Variants in MYEF2 observed in about 807,000 individuals in gnomAD.
The protein encoded by MYEF2 is myelin expression factor 2, also known as myelin gene expression factor 2.
Under a neutral mutation model 75.2 loss-of-function variants are expected in MYEF2, and 37 were observed. That is an observed-to-expected ratio of 0.49 (90% CI 0.38 to 0.65). MYEF2 has a LOEUF of 0.65. MYEF2 is among the 30% of genes least tolerant of loss of function. The probability of loss-of-function intolerance (pLI) is 0.00; values close to 1 mark genes in which losing one functional copy is unlikely to be tolerated. For missense variants in MYEF2, 634 were observed against 771.4 expected (o/e 0.82, Z 2.11); for synonymous variants, 195 against 241.6 (o/e 0.81, Z 1.79).
chr15:48,159,377 T>G (rs1007566137), intron 6 of MYEF2, among the ~76,000 whole-genome samples: 1 of 152,124 alleles, frequency 6.6e-6, no homozygotes, highest in East Asian at 1.9e-4. Flanking sequence ...GTGTATAAAC[T>G]GCACAGTTCC....
At chr15:48,170,609 A>G (rs1214239535) in intron 1 of MYEF2, among the ~76,000 whole-genome samples, 2 of 152,184 alleles carry the variant, frequency 1.3e-5, no homozygotes, top group East Asian at 3.8e-4. Context: ...TTCATGAGCC[A>G]GGCTCTAAAT....
At position 48,142,068 on chromosome 15, in the gene MYEF2, A is replaced by G. The variant is rs375548629; in HGVS notation, c.*840T>C. ...GCTATGTCTAACATCGTGGGATCCA[A>G]TGTGTTTGATATGTTGTGCCTTGGT... On this transcript the variant is annotated 3_prime_UTR_variant, in exon 17 of 17. Coordinates refer to ENST00000324324, the MANE Select transcript of MYEF2 (RefSeq NM_016132.5). The G allele has an allele frequency of 2.5e-6, 4 of 1,613,600 alleles. No homozygotes were observed. In the African/African-American group the frequency reaches 4.0e-5, roughly 16 times the overall value.
In MYEF2 at chr15:48,152,073, A is replaced by G. The variant is rs1270113170; in HGVS notation, c.1139-131T>C. 3 of 1,144,418 alleles carry G rather than the reference A, an allele frequency of 2.6e-6. No individual in the cohort carries two copies. The African/African-American group carries it at 4.6e-5, about 18-fold the overall frequency. 70.9% of individuals were successfully genotyped at this position (1,144,418 alleles called of 1,614,324 possible). ...TTGTGCAGCTACTTCTTAACACATC[A>G]CCTTCCTTTAAGTATGTACCAGGCT... On this transcript the variant is annotated intron_variant, in intron 11 of 16. Transcript: ENST00000324324.
At position 48,143,088 on chromosome 15, in the gene MYEF2, A is replaced by G; in HGVS notation, c.1640-17T>C. 6.7e-7 allele frequency: 1 copy of G among 1,492,718 alleles called. No individual in the cohort carries two copies. 92.5% of individuals were successfully genotyped at this position (1,492,718 alleles called of 1,614,324 possible). Reference sequence around the variant, plus strand: ...TTACATGACCTGTAAAATAAAAGTTACAGAATTACTAGTCAGTTTAAATAA... The same window carrying G: ...TTACATGACCTGTAAAATAAAAGTTGCAGAATTACTAGTCAGTTTAAATAA... On this transcript the variant is annotated splice_polypyrimidine_tract_variant and intron_variant, in intron 16 of 16. Coordinates refer to ENST00000324324, the MANE Select transcript of MYEF2 (RefSeq NM_016132.5).
intron 1 of MYEF2, among the ~76,000 whole-genome samples, chr15:48,174,412 A>G (rs1474963759): frequency 6.6e-6 from 1 of 151,352 alleles, no homozygotes; most frequent in East Asian, 1.9e-4. Flanking sequence ...TTTTGATATG[A>G]CACCAAAAGC....
At chr15:48,176,038 A>AT (rs2040504340) in intron 1 of MYEF2, among the ~76,000 whole-genome samples, 1 of 152,104 alleles carries the variant, frequency 6.6e-6, no homozygotes, top group African/African-American at 2.4e-5. Context: ...ACCTCAGCAA[A>AT]TATTATTTCA....
At chr15:48,147,300 C>T (rs2140817045) in intron 16 of MYEF2, among the ~76,000 whole-genome samples, 1 of 152,074 alleles carries the variant, frequency 6.6e-6, no homozygotes, top group African/African-American at 2.4e-5. Context: ...TAACCTCAAA[C>T]AGAAAGCAGC....
chr15:48,141,236 C>T lies in MYEF2; in HGVS notation c.*1672G>A, dbSNP rs776382362. On this transcript the variant is annotated 3_prime_UTR_variant, in exon 17 of 17. Transcript: ENST00000324324. ...AAAGGTAAGAACTAGGTCCCTCAAGCTGCAATGGTCATTCTACAAGGCTAG... is the reference window on the plus strand; with the variant it reads ...AAAGGTAAGAACTAGGTCCCTCAAGTTGCAATGGTCATTCTACAAGGCTAG... 1.1e-5 allele frequency: 17 copies of T among 1,530,058 alleles called. No homozygotes were observed. The highest frequency in any genetic ancestry group is 1.7e-5 in the Admixed American group (1 of 59,768). 94.8% of individuals were successfully genotyped at this position (1,530,058 alleles called of 1,614,324 possible).
In MYEF2 at chr15:48,141,205, G is replaced by A. The variant is rs367783392; in HGVS notation, c.*1703C>T. On this transcript the variant is annotated 3_prime_UTR_variant, in exon 17 of 17. Transcript: ENST00000324324. ...AGACACAATTGCAAGTGTGTTGGTT[G>A]CAAGAAAAGGTAAGAACTAGGTCCC... is the stretch of plus-strand genomic sequence containing the variant. 3.1e-6 allele frequency: 5 copies of A among 1,612,510 alleles called. No individual in the cohort carries two copies. The African/African-American group carries it at 6.7e-5, about 22-fold the overall frequency.
At chr15:48,161,354 T>C (rs548724051) in intron 5 of MYEF2, among the ~76,000 whole-genome samples, 10 of 152,158 alleles carry the variant, frequency 6.6e-5, no homozygotes, top group African/African-American at 2.4e-4. Flanking sequence ...CTCTAAAGTC[T>C]GTTAAGGAAC....
chr15:48,177,670 C>T (rs2040590280), intron 1 of MYEF2, among the ~76,000 whole-genome samples: 1 of 133,472 alleles, frequency 7.5e-6, no homozygotes, highest in South Asian at 2.4e-4. Context: ...GAGGAAATGT[C>T]CGATGATGTC....
chr15:48,138,846 G>A lies in MYEF2; in HGVS notation c.*4062C>T. On this transcript the variant is annotated 3_prime_UTR_variant, in exon 17 of 17. Transcript: ENST00000324324. ...AATATCAGTAATGAGGTACTCAAAT[G>A]TTTTAAACAGCCTTTTAAAAACTGA... is the stretch of plus-strand genomic sequence containing the variant. 2.8e-6 allele frequency: 2 copies of A among 714,692 alleles called. No homozygotes were observed. The highest frequency in any genetic ancestry group is 4.7e-6 in the Non-Finnish European group (2 of 429,376). The allele number at this position is 714,692 out of a possible 1,614,324, so 44.3% of individuals were successfully genotyped here.
Position 48,137,494 on chromosome 15 carries a change from T to C in MYEF2, c.*5414A>G, listed in dbSNP as rs1741111584. ...GAAGGTTTCTGAGGAGAGAAATTAT[T>C]AGAACTGTTATCTTAGTAATGTTAC... is the stretch of plus-strand genomic sequence containing the variant. On this transcript the variant is annotated 3_prime_UTR_variant, in exon 17 of 17. Transcript: ENST00000324324. The C allele has an allele frequency of 6.6e-6, 1 of 152,218 alleles. No homozygotes were observed. Among genetic ancestry groups the C allele is most frequent in the Admixed American group, 6.5e-5 (1 of 15,270 alleles). 9.4% of individuals were successfully genotyped at this position (152,218 alleles called of 1,614,324 possible).
At chr15:48,175,697 T>C (rs1218045225) in intron 1 of MYEF2, among the ~76,000 whole-genome samples, 1 of 152,256 alleles carries the variant, frequency 6.6e-6, no homozygotes, top group Admixed American at 6.5e-5. Flanking sequence ...TAATATTTTA[T>C]AGTACCCTAA....
chr15:48,169,140 CT>C (rs1329341473), intron 1 of MYEF2, among the ~76,000 whole-genome samples: 1 of 152,154 alleles, frequency 6.6e-6, no homozygotes, highest in Non-Finnish European at 1.5e-5. Context: ...TGCTATTAGA[CT>C]GGAACAGAGG....
chr15:48,166,554 T>C (rs2040140440), intron 3 of MYEF2, among the ~76,000 whole-genome samples: 1 of 152,044 alleles, frequency 6.6e-6, no homozygotes, highest in African/African-American at 2.4e-5. Flanking sequence ...TGAATAAATA[T>C]TAATTTTATT....
rs944365189 is a variant in MYEF2, at chr15:48,135,804, A to G, written c.*7104T>C. On this transcript the variant is annotated 3_prime_UTR_variant, in exon 17 of 17. Transcript: ENST00000324324. ...TCAAGAAACTTAAAACCTAGCCAGA[A>G]GCATAATTTCTAAACTAATCATCCT... 3 of 152,132 alleles carry G rather than the reference A, an allele frequency of 2.0e-5. No homozygotes were observed. Among genetic ancestry groups the G allele is most frequent in the African/African-American group, 7.2e-5 (3 of 41,446 alleles). The allele number at this position is 152,132 out of a possible 1,614,324, so 9.4% of individuals were successfully genotyped here. A position where few individuals can be genotyped will look rare whatever the true frequency, so the allele number is the denominator to read the frequency against.
In MYEF2 at chr15:48,151,174, A is replaced by C. The variant is rs775229578; in HGVS notation, c.1307-3T>G. The C allele has an allele frequency of 1.2e-6, 2 of 1,606,440 alleles. No homozygotes were observed. Among genetic ancestry groups the C allele is most frequent in the Admixed American group, 3.4e-5 (2 of 59,430 alleles). On this transcript the variant is annotated splice_region_variant and splice_polypyrimidine_tract_variant and intron_variant, in intron 13 of 16. Transcript: ENST00000324324. The stretch of plus-strand genomic sequence containing the variant: ...AAACCCTCCAATCATTGCACTGCCT[A>C]AACAAGGATGGAAAGATAATATACT...
Position 48,134,839 on chromosome 15 carries a change from G to C in MYEF2, c.*8069C>G. On this transcript the variant is annotated 3_prime_UTR_variant, in exon 17 of 17. Transcript: ENST00000324324. ...TAGTATTATACTAAGGATTGTACTT[G>C]AAGAAGTTACAATGTAATGGAAATA... 7 of 1,385,046 alleles carry C rather than the reference G, an allele frequency of 5.1e-6. No individual in the cohort carries two copies. Among genetic ancestry groups the C allele is most frequent in the Non-Finnish European group, 7.1e-6 (7 of 984,468 alleles). 85.8% of individuals were successfully genotyped at this position (1,385,046 alleles called of 1,614,324 possible).
Sources: allele counts gnomAD v4.1 joint callset (sites outside exome capture counted in the v4.1 genomes callset), GRCh38; gene constraint gnomAD v4.1.1; transcripts MANE v1.5; gene names NCBI Gene and HGNC (gene_info 2026-07-23, HGNC 2026-07-21).